The following TMEM131L variants were observed in gnomAD, a reference collection of about 807,000 sequenced individuals.
TMEM131L encodes transmembrane 131 like.
A neutral mutation model predicts 192.2 loss-of-function variants in TMEM131L; 54 were observed. The ratio of observed to expected loss-of-function variants is 0.28; its 90% CI spans 0.23 to 0.35. The LOEUF (loss-of-function observed/expected upper bound fraction) is 0.35. Ranked by LOEUF, TMEM131L falls within the 10% of genes least tolerant of loss-of-function variation. TMEM131L has a pLI of 1.00. For missense variants in TMEM131L, 1,888 were observed against 1,972.9 expected, an observed-to-expected ratio of 0.96 and a Z score of 0.82; for synonymous variants, 701 against 704.9, an observed-to-expected ratio of 0.99 and a Z score of 0.09.
At chr4:153,550,550 T>C (rs1737539347) in intron 4 of TMEM131L, among the ~76,000 whole-genome samples, 2 of 152,142 alleles carry the variant, frequency 1.3e-5, no homozygotes, top group Admixed American at 1.3e-4. Context: ...ATGGTCTTGA[T>C]CTCCTGACTT....
chr4:153,547,616 A>C (rs1737281638), intron 3 of TMEM131L, among the ~76,000 whole-genome samples: 1 of 152,164 alleles, frequency 6.6e-6, no homozygotes, highest in Non-Finnish European at 1.5e-5. Context: ...TTTTACAGAG[A>C]ATAAGGTTAG....
chr4:153,616,132 GT>G (rs1426009544), intron 26 of TMEM131L, among the ~76,000 whole-genome samples: 6 of 152,098 alleles, frequency 3.9e-5, no homozygotes, highest in Admixed American at 3.9e-4. Flanking sequence ...GCATCTAATG[GT>G]GGCATTGGGT....
At position 153,581,472 on chromosome 4, in the gene TMEM131L, C is replaced by G; in HGVS notation, c.804C>G (p.Asn268Lys). Reference protein sequence around the residue: ...LQMSIMVTMENFSKEFEENTQ... With the variant: ...LQMSIMVTMEKFSKEFEENTQ... ...TGAGCATAATGGTAACAATGGAAAACTTTTCAAAAGAATTTGAAGAAAACA... is the reference window on the plus strand; with the variant it reads ...TGAGCATAATGGTAACAATGGAAAAGTTTTCAAAAGAATTTGAAGAAAACA... The change falls in exon 9 of 35, where the codon AAC becomes AAG. Residue 268 changes from asparagine to lysine, a missense_variant. Asn to Lys is a moderately conservative substitution (Grantham distance 94). Coordinates refer to ENST00000409959, the MANE Select transcript of TMEM131L (RefSeq NM_001131007.2). 3 of 1,597,658 alleles carry G rather than the reference C, an allele frequency of 1.9e-6. No individual in the cohort carries two copies. The highest frequency in any genetic ancestry group is 2.6e-6 in the Non-Finnish European group (3 of 1,170,404).
At chr4:153,618,493 A>AAT (rs1554042573) in intron 26 of TMEM131L, among the ~76,000 whole-genome samples, 176 of 150,834 alleles carry the variant, frequency 1.2e-3, no homozygotes, top group African/African-American at 3.9e-3. Flanking sequence ...AAAAAAAAAA[A>AAT]ACCCACCAAA....
intron 5 of TMEM131L, among the ~76,000 whole-genome samples, chr4:153,556,687 C>T (rs560584064): frequency 3.9e-5 from 6 of 152,050 alleles, no homozygotes; most frequent in Non-Finnish European, 8.8e-5. Context: ...GACAGTTGGA[C>T]CTGTGGAGGT....
rs765576447 is a variant in TMEM131L, at chr4:153,612,313, G to A, written c.3480G>A (p.Val1160=). The A allele has an allele frequency of 1.3e-6, 2 of 1,594,372 alleles. No individual in the cohort carries two copies. The highest frequency in any genetic ancestry group is 1.4e-5 in the African/African-American group (1 of 74,048). ...EVDHCENLKK[V]DTKPSSEKKI... ...ATCATTGTGAAAATTTGAAGAAGGT[G>A]GACACAAAGCCTTCTTCAGAAAAGA... Residue 1160 remains valine (V), a synonymous_variant, in exon 26 of 35, where the codon GTG becomes GTA. Coordinates refer to ENST00000409959, the MANE Select transcript of TMEM131L (RefSeq NM_001131007.2).
chr4:153,481,690 C>G (rs1190812876), intron 3 of TMEM131L, among the ~76,000 whole-genome samples: 3 of 152,098 alleles, frequency 2.0e-5, no homozygotes, highest in African/African-American at 7.2e-5. Flanking sequence ...CACCTGCCAC[C>G]ACGGCTGGCT....
chr4:153,622,506 A>C (rs1479543464), intron 28 of TMEM131L, among the ~76,000 whole-genome samples: 4 of 152,310 alleles, frequency 2.6e-5, no homozygotes, highest in South Asian at 4.1e-4. Context: ...CTTCCCATTC[A>C]TGTATCAATA....
At chr4:153,504,150 A>G (rs1733806261) in intron 3 of TMEM131L, among the ~76,000 whole-genome samples, 1 of 148,772 alleles carries the variant, frequency 6.7e-6, no homozygotes, top group Non-Finnish European at 1.5e-5. Flanking sequence ...TTGTATTTTT[A>G]GTAGAGACGG....
At chr4:153,613,760 G>T (rs182480828) in intron 26 of TMEM131L, among the ~76,000 whole-genome samples, 67 of 152,256 alleles carry the variant, frequency 4.4e-4, no homozygotes, top group African/African-American at 1.4e-3. Flanking sequence ...AATGAGGTTT[G>T]CAAAGTAATT....
At chr4:153,489,864 T>C (rs1732643834) in intron 3 of TMEM131L, among the ~76,000 whole-genome samples, 2 of 152,162 alleles carry the variant, frequency 1.3e-5, no homozygotes, top group African/African-American at 2.4e-5. Context: ...TCGTTCCTTG[T>C]GTCAGAATTC....
chr4:153,599,146 A>G (rs543436968), intron 21 of TMEM131L, among the ~76,000 whole-genome samples: 9 of 152,352 alleles, frequency 5.9e-5, no homozygotes, highest in South Asian at 4.1e-4. Flanking sequence ...GAAACTTACA[A>G]TTATGACAGA....
At chr4:153,473,556 G>C (rs1271068503) in intron 2 of TMEM131L, among the ~76,000 whole-genome samples, 2 of 152,332 alleles carry the variant, frequency 1.3e-5, no homozygotes, top group East Asian at 3.9e-4. Flanking sequence ...CACTTTGGGA[G>C]GCCGAGGCGG....
Position 153,636,688 on chromosome 4 carries a change from A to G in TMEM131L, c.*112A>G. The stretch of plus-strand genomic sequence containing the variant: ...TTGGTGGATATTTTGGCACTTTTAT[A>G]TGAAAATAAATTTTTTAATGAAATC... On this transcript the variant is annotated 3_prime_UTR_variant, in exon 35 of 35. Transcript: ENST00000409959. 1.9e-6 allele frequency: 2 copies of G among 1,057,296 alleles called. No individual in the cohort carries two copies. The highest frequency in any genetic ancestry group is 2.7e-6 in the Non-Finnish European group (2 of 742,918). The allele number at this position is 1,057,296 out of a possible 1,614,324, so 65.5% of individuals were successfully genotyped here. A position where few individuals can be genotyped will look rare whatever the true frequency, so the allele number is the denominator to read the frequency against.
At chr4:153,505,885 G>A (rs1733951301) in intron 3 of TMEM131L, among the ~76,000 whole-genome samples, 1 of 152,070 alleles carries the variant, frequency 6.6e-6, no homozygotes, top group Non-Finnish European at 1.5e-5. Context: ...TGCCCAGGGT[G>A]TGGTGAGGAG....
chr4:153,615,578 T>C (rs10007730), intron 26 of TMEM131L, among the ~76,000 whole-genome samples: 8,563 of 152,288 alleles, frequency 0.056, 461 homozygotes, highest in African/African-American at 0.12. Context: ...TAGGGCACAC[T>C]TTCAGGAGCA....
At chr4:153,562,576 C>T (rs2150526383) in intron 7 of TMEM131L, among the ~76,000 whole-genome samples, 1 of 152,222 alleles carries the variant, frequency 6.6e-6, no homozygotes, top group Middle Eastern at 3.4e-3. Flanking sequence ...TTACTCTCTG[C>T]CTGTTGTCAA....
intron 3 of TMEM131L, among the ~76,000 whole-genome samples, chr4:153,536,772 AC>A (rs1387803174): frequency 7.5e-6 from 1 of 133,140 alleles, no homozygotes; most frequent in East Asian, 2.5e-4. Flanking sequence ...GGAGTTTATT[AC>A]AAAGTATTAA....
At chr4:153,608,851 T>C (rs920573685) in intron 25 of TMEM131L, among the ~76,000 whole-genome samples, 5 of 152,182 alleles carry the variant, frequency 3.3e-5, no homozygotes, top group African/African-American at 1.2e-4. Flanking sequence ...TTAACCACTT[T>C]TAAAAGGAAT....
Sources: allele counts gnomAD v4.1 joint callset (sites outside exome capture counted in the v4.1 genomes callset), GRCh38; gene constraint gnomAD v4.1.1; transcripts MANE v1.5; gene names NCBI Gene and HGNC (gene_info 2026-07-23, HGNC 2026-07-21).